CLNK: variants seen among roughly 807,000 people sequenced by gnomAD.
CLNK encodes cytokine dependent hematopoietic cell linker.
In CLNK, 74 loss-of-function variants were observed where a neutral mutation model predicts 68.6. That is an observed-to-expected ratio of 1.08 (90% CI 0.89 to 1.31). CLNK has a LOEUF of 1.31. Among genes scored for constraint, CLNK ranks in the 50% most tolerant of loss-of-function variants. CLNK has a pLI of 0.00. For synonymous variants in CLNK, 198 were observed against 172.2 expected, an observed-to-expected ratio of 1.15 and a Z score of -1.17; for missense variants, 553 against 515.3, an observed-to-expected ratio of 1.07 and a Z score of -0.71.
rs962051346 is a variant in CLNK, at chr4:10,487,051, C to A, written c.*3416G>T. 2 of 152,034 alleles carry A rather than the reference C, an allele frequency of 1.3e-5. No homozygotes were observed. The highest frequency in any genetic ancestry group is 1.3e-4 in the Admixed American group (2 of 15,274). 9.4% of individuals were successfully genotyped at this position (152,034 alleles called of 1,614,324 possible). ...TATACAGAATGAGAATTATTTAGTC[C>A]AAAAAATATCTGGAAAGCATAAATG... On this transcript the variant is annotated 3_prime_UTR_variant, in exon 19 of 19. Coordinates refer to ENST00000226951, the MANE Select transcript of CLNK (RefSeq NM_052964.4).
the CLNK span, among the ~76,000 whole-genome samples, chr4:10,722,649 C>G: frequency 1.3e-5 from 2 of 152,198 alleles, no homozygotes; most frequent in Admixed American, 6.5e-5. Context: ...AAGAAGGAAG[C>G]AACAAAAGCA....
chr4:10,540,695 C>T (rs1718978852), intron 10 of CLNK, 91 bp from the exon 11 acceptor site: 1 of 863,406 alleles, frequency 1.2e-6, no homozygotes, highest in Non-Finnish European at 1.9e-6. Flanking sequence ...CCCTCCGTGT[C>T]CCCAGCTTTG....
rs1427222101 is a variant in CLNK at position 10,564,727 on chromosome 4, T to C, written c.343A>G (p.Arg115Gly). 1.2e-6 allele frequency: 2 copies of C among 1,613,776 alleles called. No individual in the cohort carries two copies. The highest frequency in any genetic ancestry group is 3.3e-5 in the Admixed American group (2 of 60,008). The change falls in exon 7 of 19, where the codon AGG becomes GGG. Residue 115 changes from arginine to glycine, a missense_variant. Arg to Gly is a moderately radical substitution (Grantham distance 125). Transcript: ENST00000226951. ...AMDTPLPLDT[R>G]TSISIGQPTW... is the part of the protein sequence containing the mutation. The stretch of plus-strand genomic sequence containing the variant: ...GGCTGTCCAATGGAGATAGAGGTCC[T>C]GGTGTCTAACGGAAGGGGAGTGTCC...
chr4:10,691,190 T>C, the CLNK span, among the ~76,000 whole-genome samples: 1 of 152,148 alleles, frequency 6.6e-6, no homozygotes, highest in Non-Finnish European at 1.5e-5. Flanking sequence ...GATATACATA[T>C]ATATAAGTTT....
chr4:10,592,113 G>A (rs1249102817), intron 3 of CLNK, among the ~76,000 whole-genome samples: 1 of 152,138 alleles, frequency 6.6e-6, no homozygotes, highest in Non-Finnish European at 1.5e-5. Flanking sequence ...CTCGAATCAT[G>A]CATTTAGTAA....
At position 10,667,850 on chromosome 4, in the gene CLNK, G is replaced by A. The variant is rs1195165939; in HGVS notation, c.11+9C>T. The A allele has an allele frequency of 2.5e-6, 3 of 1,214,378 alleles. No individual in the cohort carries two copies. Among genetic ancestry groups the A allele is most frequent in the African/African-American group, 2.3e-5 (1 of 43,440 alleles). 75.2% of individuals were successfully genotyped at this position (1,214,378 alleles called of 1,614,324 possible). The stretch of plus-strand genomic sequence containing the variant: ...GAACTGGGGCTCACAGTGATCCCAC[G>A]GTACTTACTGCCTGTTCATAGTTCT... On this transcript the variant is annotated intron_variant, in intron 2 of 18. Transcript: ENST00000226951.
the CLNK span, among the ~76,000 whole-genome samples, chr4:10,733,810 G>C: frequency 1.3e-5 from 2 of 152,180 alleles, 1 homozygote; most frequent in South Asian, 4.1e-4. Flanking sequence ...AAGTGCTAGA[G>C]TTCTACAGAG....
At chr4:10,602,933 G>A (rs1249935972) in intron 2 of CLNK, among the ~76,000 whole-genome samples, 1 of 152,214 alleles carries the variant, frequency 6.6e-6, no homozygotes, top group Admixed American at 6.5e-5. Flanking sequence ...GGATGACATG[G>A]CAAGTTGACG....
At chr4:10,687,517 C>T (rs916763514), upstream of CLNK, among the ~76,000 whole-genome samples, 1 of 151,604 alleles carries the variant, frequency 6.6e-6, no homozygotes, top group Non-Finnish European at 1.5e-5. Flanking sequence ...AAGAAAGAAG[C>T]AGGAAAGGGA....
At chr4:10,521,994 C>T (rs868009531) in intron 14 of CLNK, among the ~76,000 whole-genome samples, 31 of 152,214 alleles carry the variant, frequency 2.0e-4, no homozygotes, top group African/African-American at 7.5e-4. Context: ...CGTGTTGGCT[C>T]ACGCGTGTAA....
intron 2 of CLNK, among the ~76,000 whole-genome samples, chr4:10,655,995 G>A (rs953432418): frequency 1.3e-5 from 2 of 151,586 alleles, no homozygotes; most frequent in South Asian, 2.1e-4. Context: ...TTATCCATGC[G>A]AAAAAGAAAA....
intron 15 of CLNK, among the ~76,000 whole-genome samples, chr4:10,514,350 T>C (rs1717738169): frequency 6.6e-6 from 1 of 152,154 alleles, no homozygotes; most frequent in Non-Finnish European, 1.5e-5. Context: ...GCAGCATAAT[T>C]TATAGTCATT....
At chr4:10,549,479 A>G (rs1263738155) in intron 8 of CLNK, among the ~76,000 whole-genome samples, 1 of 152,202 alleles carries the variant, frequency 6.6e-6, no homozygotes, top group Non-Finnish European at 1.5e-5. Flanking sequence ...TCCTGTTCAT[A>G]CTATGGGCAG....
At chr4:10,545,225 T>C (rs1182906774) in intron 8 of CLNK, among the ~76,000 whole-genome samples, 1 of 152,146 alleles carries the variant, frequency 6.6e-6, no homozygotes, top group Non-Finnish European at 1.5e-5. Context: ...GTCTCCTCTG[T>C]GAGCCTGTGA....
intron 7 of CLNK, among the ~76,000 whole-genome samples, chr4:10,563,032 G>A (rs1285170208): frequency 6.6e-6 from 1 of 152,172 alleles, no homozygotes; most frequent in Non-Finnish European, 1.5e-5. Flanking sequence ...CTGTGCCCGT[G>A]TAAAAAGGAA....
chr4:10,493,738 A>G (rs6820043), intron 18 of CLNK, among the ~76,000 whole-genome samples: 10,190 of 152,156 alleles, frequency 0.067, 964 homozygotes, highest in African/African-American at 0.2. Context: ...ATTAATCTCT[A>G]CTACAGCAGG....
At chr4:10,687,277 A>G (rs61794279), upstream of CLNK, among the ~76,000 whole-genome samples, 6,527 of 152,182 alleles carry the variant, frequency 0.043, 185 homozygotes, top group Middle Eastern at 0.078. Context: ...TTGAACAAGA[A>G]ATCAACCATC....
At chr4:10,701,410 G>A in the CLNK span, among the ~76,000 whole-genome samples, 6 of 152,298 alleles carry the variant, frequency 3.9e-5, no homozygotes, top group Admixed American at 3.9e-4. Flanking sequence ...AGCATTATTT[G>A]CTGCTACTGC....
At position 10,489,669 on chromosome 4, in the gene CLNK, C is replaced by CTTTTTGTTTTTT. The variant is rs1716481597; in HGVS notation, c.*797_*798insAAAAAACAAAAA. ...GAGCTAATATTCACCAACCCAACAC[C>CTTTTTGTTTTTT]TTTTTTTTTTTTTGAGACGGAGTCT... On this transcript the variant is annotated 3_prime_UTR_variant, in exon 19 of 19. Transcript: ENST00000226951. 1.6e-5 allele frequency: 1 copy of CTTTTTGTTTTTT among 62,328 alleles called. No homozygotes were observed. Among genetic ancestry groups the CTTTTTGTTTTTT allele is most frequent in the African/African-American group, 3.9e-5 (1 of 25,494 alleles). 3.9% of individuals were successfully genotyped at this position (62,328 alleles called of 1,614,324 possible).
Sources: gnomAD v4.1 joint callset for allele counts (sites outside exome capture counted in the v4.1 genomes callset) on GRCh38, gnomAD v4.1.1 for gene constraint, MANE v1.5 for transcripts, NCBI Gene and HGNC (gene_info 2026-07-23, HGNC 2026-07-21) for gene names.